SPATA3: variants seen among roughly 807,000 people sequenced by gnomAD.
SPATA3 encodes the protein spermatogenesis associated 3.
In SPATA3, 6 loss-of-function variants were observed where a neutral mutation model predicts 5.7. The observed-to-expected ratio is 1.06, with a 90% confidence interval of 0.58 to 2.09. The LOEUF is 2.09. Ranked by LOEUF, SPATA3 falls within the 30% of genes most tolerant of loss-of-function variation. The pLI is 0.00. For synonymous variants in SPATA3, 44 were observed against 48.4 expected, an observed-to-expected ratio of 0.91 and a Z score of 0.37; for missense variants, 155 against 130.4, an observed-to-expected ratio of 1.19 and a Z score of -0.92.
chr2:231,012,347 G>A (rs1005820914), intron 4 of SPATA3, among the ~76,000 whole-genome samples: 2 of 152,178 alleles, frequency 1.3e-5, no homozygotes, highest in African/African-American at 4.8e-5. Context: ...GAAGGGTCTG[G>A]GCTGACCAGC....
intron 1 of SPATA3, chr2:230,996,370 C>A: frequency 1.3e-6 from 2 of 1,544,072 alleles, no homozygotes; most frequent in Non-Finnish European, 1.8e-6. Flanking sequence ...GAATCCACAC[C>A]ACAGCAGCCT....
intron 2 of SPATA3, among the ~76,000 whole-genome samples, chr2:231,002,248 G>T (rs1692380083): frequency 6.6e-6 from 1 of 152,042 alleles, no homozygotes; most frequent in South Asian, 2.1e-4. Flanking sequence ...CACAATTATT[G>T]CCTTAGTCAT....
At chr2:231,011,070 C>CT (rs1692769594), downstream of SPATA3, among the ~76,000 whole-genome samples, 1 of 34,118 alleles carries the variant, frequency 2.9e-5, no homozygotes, top group Admixed American at 3.5e-4. Flanking sequence ...GAGACCCTGT[C>CT]TCAAAAAAAA....
chr2:231,002,505 A>G (rs10933364), intron 2 of SPATA3, among the ~76,000 whole-genome samples, 179 bp from the exon 3 acceptor site: 119,503 of 152,052 alleles, frequency 0.79, 47,790 homozygotes, highest in African/African-American at 0.94. Flanking sequence ...GGGGTCTTTC[A>G]GTAGGGACTT....
chr2:231,018,344 A>C (rs553720164), intron 6 of SPATA3, among the ~76,000 whole-genome samples: 118 of 152,110 alleles, frequency 7.8e-4, no homozygotes, highest in Non-Finnish European at 1.5e-3. Context: ...GTGAGCCTTC[A>C]TCTGCATAAT....
chr2:231,005,283 TCATCATCAC>T (rs1692540131), downstream of SPATA3, among the ~76,000 whole-genome samples: 5 of 51,216 alleles, frequency 9.8e-5, no homozygotes, highest in African/African-American at 1.6e-4. Context: ...ACCATCACCA[TCATCATCAC>T]CATCACCACC....
downstream of SPATA3, among the ~76,000 whole-genome samples, chr2:231,006,491 G>A (rs528959307): frequency 3.4e-5 from 5 of 147,592 alleles, no homozygotes; most frequent in East Asian, 6.0e-4. Context: ...CAACAACAGC[G>A]AAACTCTGTC....
intron 1 of SPATA3, chr2:230,996,264 G>C: frequency 1.3e-6 from 2 of 1,524,908 alleles, no homozygotes; most frequent in Non-Finnish European, 1.8e-6. Context: ...AAGGTCAGAG[G>C]CCAGACGCCA....
chr2:231,009,274 TCCACCA>T (rs1254349856), downstream of SPATA3, among the ~76,000 whole-genome samples: 1 of 152,086 alleles, frequency 6.6e-6, no homozygotes, highest in Non-Finnish European at 1.5e-5. Flanking sequence ...CCCGTTTTCC[TCCACCA>T]CCACCACCTC....
chr2:231,003,214 A>C (rs57524038), downstream of SPATA3, among the ~76,000 whole-genome samples: 55,107 of 151,916 alleles, frequency 0.36, 10,159 homozygotes, highest in South Asian at 0.46. Context: ...ACCTTTCTCC[A>C]TCTTCCCAAC....
chr2:231,015,709 G>A (rs999503931), intron 6 of SPATA3, among the ~76,000 whole-genome samples: 1 of 152,206 alleles, frequency 6.6e-6, no homozygotes, highest in Non-Finnish European at 1.5e-5. Flanking sequence ...AGCTGTGGGG[G>A]CAATGGAAAG....
chr2:231,000,946 G>A (rs1692331334), intron 2 of SPATA3, among the ~76,000 whole-genome samples: 1 of 152,184 alleles, frequency 6.6e-6, no homozygotes, highest in Non-Finnish European at 1.5e-5. Context: ...TCATAGGCAG[G>A]GGCCTTAGGT....
intron 6 of SPATA3, among the ~76,000 whole-genome samples, chr2:231,016,156 A>T (rs993317056): frequency 6.6e-6 from 1 of 152,102 alleles, no homozygotes; most frequent in Non-Finnish European, 1.5e-5. Context: ...CTCACAAGAC[A>T]GAACTGTTGT....
downstream of SPATA3, among the ~76,000 whole-genome samples, chr2:231,008,334 G>T (rs559748936): frequency 6.6e-6 from 1 of 152,330 alleles, no homozygotes; most frequent in East Asian, 1.9e-4. Flanking sequence ...GCACTGGAAC[G>T]GTGACAGCGG....
chr2:231,015,044 A>G (rs965646005), intron 6 of SPATA3, among the ~76,000 whole-genome samples: 2 of 151,434 alleles, frequency 1.3e-5, no homozygotes, highest in African/African-American at 4.9e-5. Context: ...CCAACTGAGG[A>G]GAGAGGGAGC....
At chr2:231,009,926 G>A (rs1226830928), downstream of SPATA3, among the ~76,000 whole-genome samples, 2 of 152,258 alleles carry the variant, frequency 1.3e-5, no homozygotes, top group Non-Finnish European at 2.9e-5. Flanking sequence ...GTATAAATGT[G>A]ATCACTGGAG....
exon 3 of SPATA3, chr2:231,002,770 G>T: frequency 6.6e-7 from 1 of 1,522,482 alleles, no homozygotes; most frequent in Non-Finnish European, 8.8e-7. Flanking sequence ...GGCTCTAGGA[G>T]CTGCCTACTA....
At chr2:231,010,928 A>T (rs1205722525), downstream of SPATA3, among the ~76,000 whole-genome samples, 5 of 151,036 alleles carry the variant, frequency 3.3e-5, no homozygotes, top group African/African-American at 9.7e-5. Context: ...AAAAAAAAAA[A>T]AAAATACAAA....
rs1419611104 is a variant in SPATA3, at chr2:230,996,219, T to C, written c.791-4147T>C. ...AGCTCCATGTAGGTCCACGTTTAGG[T>C]TGGGAGGATCTACCATGAAGAAGGT... On this transcript the variant is annotated intron_variant, in intron 1 of 2. Transcript: ENST00000645363. The C allele has an allele frequency of 1.9e-6, 3 of 1,545,276 alleles. No homozygotes were observed. In the East Asian group the frequency reaches 7.4e-5, roughly 38 times the overall value.
Sources: gnomAD v4.1 joint callset for allele counts (sites outside exome capture counted in the v4.1 genomes callset) on GRCh38, gnomAD v4.1.1 for gene constraint, MANE v1.5 for transcripts, NCBI Gene and HGNC (gene_info 2026-07-23, HGNC 2026-07-21) for gene names.